The following ZNF43 variants were observed in gnomAD, a reference collection of about 807,000 sequenced individuals.
ZNF43 encodes the protein zinc finger protein 39-like 1 (KOX 27).
A neutral mutation model predicts 68.4 loss-of-function variants in ZNF43; 44 were observed. The ratio of observed to expected loss-of-function variants is 0.64; its 90% confidence interval spans 0.51 to 0.83. The LOEUF (loss-of-function observed/expected upper bound fraction) is 0.83. Among genes scored for constraint, ZNF43 ranks in the 40% least tolerant of loss-of-function variants. ZNF43 has a pLI of 0.00. For missense variants in ZNF43, 896 were observed against 933.2 expected (o/e 0.96, Z 0.52); for synonymous variants, 308 against 307.8 (o/e 1.00, Z -0.01).
intron 1 of ZNF43, among the ~76,000 whole-genome samples, chr19:21,828,134 T>C (rs987049063): frequency 5.3e-5 from 8 of 152,240 alleles, no homozygotes; most frequent in Non-Finnish European, 8.8e-5. Context: ...AACAATTTGG[T>C]AGTGACTTTT....
chr19:21,812,157 C>T, intron 3 of ZNF43: 1 of 371,940 alleles, frequency 2.7e-6, no homozygotes, highest in Non-Finnish European at 4.8e-6. Context: ...GACGGAGTCT[C>T]ACTCTGTCAC....
chr19:21,816,832 C>A (rs1271855562), intron 3 of ZNF43, among the ~76,000 whole-genome samples: 1 of 145,410 alleles, frequency 6.9e-6, no homozygotes, highest in African/African-American at 2.8e-5. Flanking sequence ...TTCTGCCCTA[C>A]AGAGGAAAGT....
chr19:21,829,823 C>T (rs899163780), intron 1 of ZNF43, among the ~76,000 whole-genome samples: 3 of 151,886 alleles, frequency 2.0e-5, no homozygotes, highest in African/African-American at 7.3e-5. Context: ...TGAGCTCCGT[C>T]TCAAAAAACA....
At chr19:21,810,366 C>G (rs1415006585) in intron 3 of ZNF43, among the ~76,000 whole-genome samples, 1 of 152,144 alleles carries the variant, frequency 6.6e-6, no homozygotes, top group Non-Finnish European at 1.5e-5. Context: ...TGAACCAGCT[C>G]TCTTTTGAAT....
At position 21,807,735 on chromosome 19, in the gene ZNF43, C is replaced by T; in HGVS notation, c.2302G>A (p.Gly768Ser). The T allele has an allele frequency of 6.2e-7, 1 of 1,613,590 alleles. No homozygotes were observed. Among genetic ancestry groups the T allele is most frequent in the Non-Finnish European group, 8.5e-7 (1 of 1,179,782 alleles). Reference sequence around the variant, plus strand: ...TTTGAATATTGGTTGAAAGCTTTGCCACATTCTTTACATTTGTAGGGTTGC... The same window carrying T: ...TTTGAATATTGGTTGAAAGCTTTGCTACATTCTTTACATTTGTAGGGTTGC... ...KEQPYKCKECGKAFNQYSNLT... is the reference protein window; with the variant it reads ...KEQPYKCKECSKAFNQYSNLT... Residue 768 changes from glycine (G) to serine (S), a missense_variant, in exon 4 of 4, where the codon GGC becomes AGC. Transcript: ENST00000354959.
intron 1 of ZNF43, among the ~76,000 whole-genome samples, chr19:21,824,183 T>C (rs896054457): frequency 1.3e-5 from 2 of 152,022 alleles, no homozygotes; most frequent in Non-Finnish European, 2.9e-5. Context: ...AGACTCTGTC[T>C]CAAAAAAAGA....
At chr19:21,844,911 AAAAAAAAAAAATATATATATAT>A (rs1967811173) in intron 1 of ZNF43, among the ~76,000 whole-genome samples, 1 of 103,704 alleles carries the variant, frequency 9.6e-6, no homozygotes, top group Non-Finnish European at 1.8e-5. Context: ...AAAAAAAAAA[AAAAAAAAAAAATATATATATAT>A]ATATATATAT....
chr19:21,809,845 AGAC>A, intron 3 of ZNF43, 38 bp from the exon 4 acceptor site: 1 of 1,480,678 alleles, frequency 6.8e-7, no homozygotes, highest in Non-Finnish European at 9.0e-7. Flanking sequence ...TCCACTTGCT[AGAC>A]TCAGAGATAA....
In ZNF43 at chr19:21,807,968, G is replaced by T; in HGVS notation, c.2069C>A (p.Ser690Tyr). The T allele has an allele frequency of 1.2e-6, 2 of 1,612,352 alleles. No individual in the cohort carries two copies. Among genetic ancestry groups the T allele is most frequent in the South Asian group, 1.1e-5 (1 of 91,034 alleles). ...AATCTTATGTGTAGAAAGGGTTGAGGACAGTTTAAAAGCTTTGCCACATTC... is the reference window on the plus strand; with the variant it reads ...AATCTTATGTGTAGAAAGGGTTGAGTACAGTTTAAAAGCTTTGCCACATTC... ...CEECGKAFKL[S>Y]STLSTHKIIH... The change falls in exon 4 of 4, where the codon TCC becomes TAC. Residue 690 changes from serine to tyrosine, a missense_variant. By Grantham distance (144) the Ser-to-Tyr change is moderately radical (BLOSUM62 -2). Coordinates refer to ENST00000354959, the MANE Select transcript of ZNF43 (RefSeq NM_003423.4).
At chr19:21,819,575 G>C (rs2037698502) in intron 1 of ZNF43, among the ~76,000 whole-genome samples, 1 of 152,182 alleles carries the variant, frequency 6.6e-6, no homozygotes, top group South Asian at 2.1e-4. Flanking sequence ...GACATGTTGA[G>C]TTAGAAGGGA....
chr19:21,810,386 G>A (rs908126575), intron 3 of ZNF43, among the ~76,000 whole-genome samples: 1 of 152,142 alleles, frequency 6.6e-6, no homozygotes, highest in African/African-American at 2.4e-5. Flanking sequence ...TTAACAGAGT[G>A]TAAACTTTCT....
chr19:21,841,655 C>T (rs1057341516), intron 1 of ZNF43: 1 of 152,190 alleles, frequency 6.6e-6, no homozygotes, highest in Non-Finnish European at 1.5e-5. Context: ...GCTCTTTACC[C>T]ATTTGGTTTG....
At chr19:21,820,121 C>G (rs2037725119) in intron 1 of ZNF43, among the ~76,000 whole-genome samples, 1 of 132,794 alleles carries the variant, frequency 7.5e-6, no homozygotes, top group South Asian at 2.3e-4. Flanking sequence ...ATCGCTTGAA[C>G]CCGAGAGGTG....
At chr19:21,833,358 C>T (rs1039706697) in intron 1 of ZNF43, among the ~76,000 whole-genome samples, 1 of 152,128 alleles carries the variant, frequency 6.6e-6, no homozygotes, top group East Asian at 1.9e-4. Flanking sequence ...CCTCGGCCTC[C>T]CAGGTTCAAG....
At chr19:21,821,900 G>C (rs1337859003) in intron 1 of ZNF43, among the ~76,000 whole-genome samples, 1 of 149,608 alleles carries the variant, frequency 6.7e-6, no homozygotes, top group African/African-American at 2.5e-5. Flanking sequence ...CTTGATCTGA[G>C]ACATGTTTAG....
Position 21,836,131 on chromosome 19 carries a change from A to C in ZNF43, c.-93T>G. 6.3e-7 allele frequency: 1 copy of C among 1,598,852 alleles called. No individual in the cohort carries two copies. Among genetic ancestry groups the C allele is most frequent in the South Asian group, 1.1e-5 (1 of 89,896 alleles). On this transcript the variant is annotated 5_prime_UTR_variant, in exon 1 of 4. Coordinates refer to ENST00000354959, the MANE Select transcript of ZNF43 (RefSeq NM_003423.4). ...ACAGAGGCTGGACCTCTAGCAGCAG[A>C]GGACACAGAAGAACGAAGACGAGAC...
At chr19:21,838,348 CAT>C (rs962775766), upstream of ZNF43, among the ~76,000 whole-genome samples, 1 of 151,868 alleles carries the variant, frequency 6.6e-6, no homozygotes, top group African/African-American at 2.4e-5. Context: ...AAAAAAAACT[CAT>C]AAACACAAAT....
chr19:21,842,224 C>G (rs1004254340), intron 1 of ZNF43, among the ~76,000 whole-genome samples: 5 of 151,778 alleles, frequency 3.3e-5, no homozygotes, highest in African/African-American at 1.2e-4. Flanking sequence ...TCCTGGACAA[C>G]GTGGTGAAAT....
intron 1 of ZNF43, among the ~76,000 whole-genome samples, chr19:21,824,637 G>C (rs1270347550): frequency 6.6e-6 from 1 of 151,218 alleles, no homozygotes; most frequent in African/African-American, 2.4e-5. Context: ...GATCAACCTG[G>C]CTCTGCATTC....
Sources: gnomAD v4.1 joint callset for allele counts (sites outside exome capture counted in the v4.1 genomes callset) on GRCh38, gnomAD v4.1.1 for gene constraint, MANE v1.5 for transcripts, NCBI Gene and HGNC (gene_info 2026-07-23, HGNC 2026-07-21) for gene names.